Variants in KANSL1 observed in about 807,000 individuals in gnomAD.
KANSL1 encodes MLL1/MLL complex subunit KANSL1.
A neutral mutation model predicts 103.6 loss-of-function variants in KANSL1; 22 were observed. The observed-to-expected ratio is 0.21, with a 90% CI of 0.15 to 0.30. The LOEUF is 0.30. Ranked by LOEUF, KANSL1 falls within the 10% of genes least tolerant of loss-of-function variation. The pLI is 1.00. For missense variants in KANSL1, 1,337 were observed against 1,399.8 expected (o/e 0.96, Z 0.72); for synonymous variants, 600 against 527.6 (o/e 1.14, Z -1.88).
intron 6 of KANSL1, among the ~76,000 whole-genome samples, chr17:46,053,910 C>A (rs2077819614): frequency 6.6e-6 from 1 of 152,176 alleles, no homozygotes; most frequent in African/African-American, 2.4e-5. Flanking sequence ...TGCATGAATT[C>A]ATTTAAGTTA....
chr17:46,041,723 C>G (rs2077321575), intron 7 of KANSL1: 1 of 152,172 alleles, frequency 6.6e-6, no homozygotes, highest in Non-Finnish European at 1.5e-5. Context: ...CTCCTGTAAT[C>G]AGTTCCCACC....
At chr17:46,146,788 C>A (rs9674952) in intron 2 of KANSL1, among the ~76,000 whole-genome samples, 4,227 of 148,356 alleles carry the variant, frequency 0.028, 316 homozygotes, top group African/African-American at 0.087. Context: ...AGCCGAGATC[C>A]CGCCACTGCA....
upstream of KANSL1, chr17:46,193,743 G>A (rs1233773691): frequency 9.4e-6 from 2 of 212,566 alleles, no homozygotes; most frequent in Non-Finnish European, 2.0e-5. Flanking sequence ...GCCGAGGTGA[G>A]TCTAACCTGA....
At chr17:46,061,399 T>A (rs1028363499) in intron 6 of KANSL1, among the ~76,000 whole-genome samples, 1 of 152,148 alleles carries the variant, frequency 6.6e-6, no homozygotes, top group African/African-American at 2.4e-5. Context: ...TATAAACACC[T>A]ACTTCACTTA....
At chr17:46,069,099 T>C (rs2078485900) in intron 4 of KANSL1, among the ~76,000 whole-genome samples, 2 of 152,138 alleles carry the variant, frequency 1.3e-5, no homozygotes, top group South Asian at 4.1e-4. Flanking sequence ...GTAATTTTTG[T>C]ATTTTTAGTA....
chr17:46,090,363 A>G (rs62061767), intron 3 of KANSL1, among the ~76,000 whole-genome samples: 21,669 of 152,030 alleles, frequency 0.14, 2,119 homozygotes, highest in Non-Finnish European at 0.22. Context: ...GTTTGTTATG[A>G]CAGTCTAGGA....
intron 2 of KANSL1, among the ~76,000 whole-genome samples, chr17:46,123,310 G>A (rs1279035856): frequency 6.6e-6 from 1 of 152,222 alleles, no homozygotes; most frequent in Non-Finnish European, 1.5e-5. Context: ...CCGGGAGGCA[G>A]AGGTTGCAGT....
intron 2 of KANSL1, among the ~76,000 whole-genome samples, chr17:46,105,936 CACACACA>C (rs1482755870): frequency 6.9e-4 from 54 of 77,742 alleles, no homozygotes; most frequent in African/African-American, 2.1e-3. Flanking sequence ...CACACACACA[CACACACA>C]CACACCCCCC....
At chr17:46,130,807 C>CGG (rs2147271546) in intron 2 of KANSL1, among the ~76,000 whole-genome samples, 1 of 152,312 alleles carries the variant, frequency 6.6e-6, no homozygotes, top group South Asian at 2.1e-4. Context: ...TCTTTCCCCT[C>CGG]CCTCATCACA....
At chr17:46,207,750 C>T (rs1373716958) in intron 1 of KANSL1, among the ~76,000 whole-genome samples, 6 of 152,126 alleles carry the variant, frequency 3.9e-5, no homozygotes, top group African/African-American at 7.2e-5. Flanking sequence ...GGCCAAGGTG[C>T]GGGGACTGCT....
chr17:46,209,990 A>C (rs1282964640), intron 1 of KANSL1, among the ~76,000 whole-genome samples: 15 of 152,362 alleles, frequency 9.8e-5, no homozygotes, highest in Non-Finnish European at 1.5e-4. Flanking sequence ...AACGAACAAA[A>C]AAATGCTGTC....
At chr17:46,225,111 G>A (rs1410326244), upstream of KANSL1, among the ~76,000 whole-genome samples, 1 of 151,794 alleles carries the variant, frequency 6.6e-6, no homozygotes, top group Admixed American at 6.6e-5. Context: ...GCTGGGCGGG[G>A]GTCCCCGTGC....
Position 46,081,536 on chromosome 17 carries a change from T to C in KANSL1, c.1533+905A>G, listed in dbSNP as rs556553155. ...TCTTCACATTTATCTCTAGCAACAGTGGCTGGCTTTCAAAATTAGGTGAGA... is the reference window on the plus strand; with the variant it reads ...TCTTCACATTTATCTCTAGCAACAGCGGCTGGCTTTCAAAATTAGGTGAGA... On this transcript the variant is annotated intron_variant, in intron 4 of 14. Transcript: ENST00000432791. Among the ~76,000 whole-genome samples, 24 of 152,364 alleles carry C rather than the reference T, an allele frequency of 1.6e-4. 1 individual carries two copies. The South Asian group carries it at 4.8e-3, about 30-fold the overall frequency.
At chr17:46,160,563 G>A (rs1488902163) in intron 2 of KANSL1, among the ~76,000 whole-genome samples, 1 of 152,154 alleles carries the variant, frequency 6.6e-6, no homozygotes, top group African/African-American at 2.4e-5. Context: ...CCAAGTGCTG[G>A]AATTACAGGA....
At chr17:46,154,100 T>C (rs1392269896) in intron 2 of KANSL1, among the ~76,000 whole-genome samples, 17 of 152,174 alleles carry the variant, frequency 1.1e-4, no homozygotes, top group Non-Finnish European at 1.5e-5. Context: ...GATAAAACGA[T>C]GTCTAGTTTG....
chr17:46,162,206 C>A (rs1209625902), intron 2 of KANSL1, among the ~76,000 whole-genome samples: 1 of 152,120 alleles, frequency 6.6e-6, no homozygotes, highest in Non-Finnish European at 1.5e-5. Flanking sequence ...AAAGATAATT[C>A]ACTGGTAAAC....
At chr17:46,126,112 C>T (rs545557608) in intron 2 of KANSL1, among the ~76,000 whole-genome samples, 3 of 152,042 alleles carry the variant, frequency 2.0e-5, no homozygotes, top group Non-Finnish European at 4.4e-5. Flanking sequence ...AAGTAAAAGT[C>T]GGCCGGGCAC....
intron 5 of KANSL1, 58 bp downstream of exon 5, chr17:46,067,491 G>A: frequency 9.6e-7 from 1 of 1,039,676 alleles, no homozygotes; most frequent in Non-Finnish European, 1.5e-6. Flanking sequence ...AGAACTAAGA[G>A]CTCCAAAACA....
chr17:46,189,202 C>T (rs2047189428), intron 1 of KANSL1, among the ~76,000 whole-genome samples: 1 of 152,028 alleles, frequency 6.6e-6, no homozygotes, highest in Admixed American at 6.6e-5. Context: ...ACCTGGGAAT[C>T]ACAGCGAGAC....
Sources: allele counts gnomAD v4.1 joint callset (sites outside exome capture counted in the v4.1 genomes callset), GRCh38; gene constraint gnomAD v4.1.1; transcripts MANE v1.5; gene names NCBI Gene and HGNC (gene_info 2026-07-23, HGNC 2026-07-21).